SHANK2: variants seen among roughly 807,000 people sequenced by gnomAD.
SHANK2 encodes the protein SH3 and multiple ankyrin repeat domains 2, also known as SH3 and multiple ankyrin repeat domains protein 2.
In SHANK2, 43 loss-of-function variants were observed where a neutral mutation model predicts 133.7. The observed-to-expected ratio is 0.32, with a 90% confidence interval of 0.25 to 0.41. The LOEUF is 0.41. Among genes scored for constraint, SHANK2 ranks in the 10% least tolerant of loss-of-function variants. The probability of loss-of-function intolerance (pLI) is 1.00; values close to 1 mark genes in which losing one functional copy is unlikely to be tolerated. For missense variants in SHANK2, 1,994 were observed against 2,235.8 expected (o/e 0.89, Z 2.18); for synonymous variants, 1,017 against 952.8 (o/e 1.07, Z -1.24).
At chr11:71,189,211 G>A (rs952963886) in intron 2 of SHANK2, among the ~76,000 whole-genome samples, 1 of 152,202 alleles carries the variant, frequency 6.6e-6, no homozygotes, top group Non-Finnish European at 1.5e-5. Context: ...CCACCAGCAG[G>A]TGTGTGATTC....
intron 15 of SHANK2, chr11:70,668,536 T>A (rs942857190): frequency 6.6e-6 from 1 of 152,262 alleles, no homozygotes; most frequent in Non-Finnish European, 1.5e-5. Flanking sequence ...CTGTGACAGG[T>A]AAGTGACTTC....
intron 17 of SHANK2, among the ~76,000 whole-genome samples, chr11:70,643,992 G>A (rs945960556): frequency 3.3e-5 from 5 of 152,164 alleles, no homozygotes; most frequent in African/African-American, 1.2e-4. Flanking sequence ...CAGGGTCTCA[G>A]CTGACCCAAG....
intron 10 of SHANK2, among the ~76,000 whole-genome samples, chr11:70,924,762 C>A (rs1453709582): frequency 6.6e-6 from 1 of 152,172 alleles, no homozygotes; most frequent in Non-Finnish European, 1.5e-5. Context: ...CAGCCCCTTG[C>A]CTGATACTTG....
chr11:70,555,142 C>G (rs1254226275), intron 17 of SHANK2, among the ~76,000 whole-genome samples: 1 of 152,022 alleles, frequency 6.6e-6, no homozygotes, highest in African/African-American at 2.4e-5. Flanking sequence ...TGAATTTAAT[C>G]GATAAATATT....
chr11:70,778,219 C>T (rs960929476), intron 14 of SHANK2, among the ~76,000 whole-genome samples: 24 of 152,200 alleles, frequency 1.6e-4, no homozygotes, highest in Admixed American at 8.5e-4. Context: ...CCAGAACAGC[C>T]CTGAGACTGA....
intron 14 of SHANK2, among the ~76,000 whole-genome samples, chr11:70,784,818 G>GC (rs1555046073): frequency 6.6e-6 from 1 of 152,138 alleles, no homozygotes; most frequent in Non-Finnish European, 1.5e-5. Context: ...GAGTCCTTCA[G>GC]CCCCGGGGCC....
intron 17 of SHANK2, among the ~76,000 whole-genome samples, chr11:70,630,468 G>A (rs1555001739): frequency 1.3e-5 from 2 of 152,204 alleles, no homozygotes; most frequent in African/African-American, 4.8e-5. Flanking sequence ...GGTAGTGGTT[G>A]AATTTTGTCC....
chr11:71,079,986 T>C (rs1359683816), intron 8 of SHANK2, among the ~76,000 whole-genome samples: 1 of 150,982 alleles, frequency 6.6e-6, no homozygotes, highest in Non-Finnish European at 1.5e-5. Flanking sequence ...CGAACTCGCT[T>C]GACACAAAGA....
At chr11:71,092,688 G>A (rs1353147864) in intron 7 of SHANK2, 99 bp from the exon 8 acceptor site, 2 of 1,232,282 alleles carry the variant, frequency 1.6e-6, no homozygotes, top group East Asian at 2.6e-5. Flanking sequence ...CCTCCCCCAG[G>A]TCAAGGCAAC....
chr11:70,556,894 A>AT lies in SHANK2; in HGVS notation c.2062-53964dup, dbSNP rs561861438. ...CTGGCCTCATTTTTTCTCATTTTAA[A>AT]TTTTTTTTGGTAGAGATGGGGTCTT... On this transcript the variant is annotated intron_variant, in intron 17 of 25. Transcript: ENST00000601538. Among the ~76,000 whole-genome samples, 654 of 150,816 alleles carry AT rather than the reference A, an allele frequency of 4.3e-3. 4 individuals are homozygous for AT. Among genetic ancestry groups the AT allele is most frequent in the Non-Finnish European group, 7.1e-3 (480 of 67,642 alleles).
At chr11:70,576,117 C>T (rs1293627696) in intron 17 of SHANK2, among the ~76,000 whole-genome samples, 1 of 152,152 alleles carries the variant, frequency 6.6e-6, no homozygotes, top group Non-Finnish European at 1.5e-5. Context: ...GGAATCTGAG[C>T]ACCAGGCCAT....
intron 1 of SHANK2, among the ~76,000 whole-genome samples, chr11:71,248,636 A>G (rs545899819): frequency 5.9e-5 from 9 of 152,326 alleles, no homozygotes; most frequent in Admixed American, 1.3e-4. Flanking sequence ...ATGCTCGGTG[A>G]GAGTCTCACT....
At chr11:70,756,959 C>T (rs531827) in intron 14 of SHANK2, among the ~76,000 whole-genome samples, 82,703 of 151,970 alleles carry the variant, frequency 0.54, 22,749 homozygotes, top group African/African-American at 0.64. Context: ...CTCCACTTCC[C>T]CAGGTCCTTG....
In SHANK2 at chr11:70,659,679, G is replaced by T. The variant is rs58326051; in HGVS notation, c.2061+149C>A. 4,043 of 946,394 alleles carry T rather than the reference G, an allele frequency of 4.3e-3. 101 individuals are homozygous for T. The African/African-American group carries it at 0.058, about 14-fold the overall frequency. The allele number at this position is 946,394 out of a possible 1,614,324, so 58.6% of individuals were successfully genotyped here. On this transcript the variant is annotated intron_variant, in intron 17 of 25. Transcript: ENST00000601538. The stretch of plus-strand genomic sequence containing the variant: ...CAGGTCCACAGGCAGTGGCACCCAC[G>T]GTGGGAGAAACTGACCAATGAAAGT...
At chr11:71,142,669 A>C (rs1383288569) in intron 3 of SHANK2, among the ~76,000 whole-genome samples, 1 of 152,216 alleles carries the variant, frequency 6.6e-6, no homozygotes, top group East Asian at 1.9e-4. Context: ...AAAAAGTAAC[A>C]AAATACAGGA....
intron 17 of SHANK2, among the ~76,000 whole-genome samples, chr11:70,651,124 C>A (rs540821927): frequency 6.6e-6 from 1 of 152,322 alleles, no homozygotes; most frequent in East Asian, 1.9e-4. Flanking sequence ...ACAGCCTGTG[C>A]CCTTGACCGC....
chr11:71,113,110 C>T (rs1428936544), intron 5 of SHANK2, among the ~76,000 whole-genome samples, 183 bp downstream of exon 5: 1 of 152,208 alleles, frequency 6.6e-6, no homozygotes, highest in Non-Finnish European at 1.5e-5. Flanking sequence ...TGCTGCCTCC[C>T]GGGTGGGTCT....
At chr11:71,174,495 C>T (rs2135521018) in intron 2 of SHANK2, among the ~76,000 whole-genome samples, 1 of 152,154 alleles carries the variant, frequency 6.6e-6, no homozygotes, top group East Asian at 1.9e-4. Flanking sequence ...GCTTGGCCAA[C>T]ATGGTGAAAC....
chr11:71,146,989 C>T (rs1201057841), intron 3 of SHANK2, 131 bp downstream of exon 3: 6 of 728,002 alleles, frequency 8.2e-6, no homozygotes, highest in Admixed American at 3.0e-5. Flanking sequence ...AAGTATGGAG[C>T]GAGGAAGGAG....
Sources: gnomAD v4.1 joint callset for allele counts (sites outside exome capture counted in the v4.1 genomes callset) on GRCh38, gnomAD v4.1.1 for gene constraint, MANE v1.5 for transcripts, NCBI Gene and HGNC (gene_info 2026-07-23, HGNC 2026-07-21) for gene names.